PROS1: variants seen among roughly 807,000 people sequenced by gnomAD.
PROS1 encodes vitamin K-dependent protein S.
Under a neutral mutation model 75.9 loss-of-function variants are expected in PROS1, and 29 were observed. The ratio of observed to expected loss-of-function variants is 0.38; its 90% CI spans 0.28 to 0.52. PROS1 has a LOEUF of 0.52. Ranked by LOEUF, PROS1 falls within the 20% of genes least tolerant of loss-of-function variation. PROS1 has a pLI of 0.83. For missense variants in PROS1, 680 were observed against 810.3 expected, an observed-to-expected ratio of 0.84 and a Z score of 1.95; for synonymous variants, 245 against 280.6, an observed-to-expected ratio of 0.87 and a Z score of 1.27.
intron 1 of PROS1, among the ~76,000 whole-genome samples, chr3:93,951,648 A>G (rs1455415835): frequency 6.6e-6 from 1 of 152,236 alleles, no homozygotes; most frequent in Non-Finnish European, 1.5e-5. Flanking sequence ...AACATGCCAA[A>G]TCGTAAACAC....
chr3:93,945,733 C>A (rs1709382034), intron 1 of PROS1, among the ~76,000 whole-genome samples: 2 of 152,134 alleles, frequency 1.3e-5, no homozygotes, highest in Admixed American at 1.3e-4. Flanking sequence ...GAAGCACTCC[C>A]TTTGAAAACT....
intron 1 of PROS1, among the ~76,000 whole-genome samples, chr3:93,949,212 C>T (rs567586279): frequency 6.6e-6 from 1 of 152,310 alleles, no homozygotes; most frequent in South Asian, 2.1e-4. Context: ...TAGGCAGTGC[C>T]ACACCACAAT....
intron 4 of PROS1, among the ~76,000 whole-genome samples, chr3:93,908,034 G>A (rs1708702593): frequency 6.6e-6 from 1 of 152,072 alleles, no homozygotes; most frequent in South Asian, 2.1e-4. Flanking sequence ...TGTAGTCCCA[G>A]CTACTCAGGA....
intron 1 of PROS1, among the ~76,000 whole-genome samples, chr3:93,955,121 G>C (rs184217130): frequency 2.6e-5 from 4 of 152,340 alleles, no homozygotes; most frequent in Admixed American, 2.6e-4. Context: ...CTTTTACACC[G>C]TTGGTGGGAC....
chr3:93,887,869 G>A (rs1163597058), intron 10 of PROS1, among the ~76,000 whole-genome samples: 2 of 152,224 alleles, frequency 1.3e-5, no homozygotes, highest in East Asian at 1.9e-4. Context: ...ATTTGGAGGT[G>A]AGGAACACTT....
chr3:93,944,061 T>C (rs943950218), intron 1 of PROS1, among the ~76,000 whole-genome samples: 10 of 152,196 alleles, frequency 6.6e-5, no homozygotes, highest in African/African-American at 2.2e-4. Flanking sequence ...TTCACACAGA[T>C]GAGTGTGACA....
intron 2 of PROS1, among the ~76,000 whole-genome samples, chr3:93,926,252 T>A (rs1005348134): frequency 6.6e-6 from 1 of 152,232 alleles, no homozygotes; most frequent in Non-Finnish European, 1.5e-5. Context: ...ATTACACTGA[T>A]CTCTCTACTT....
In PROS1 at chr3:93,898,353, G is replaced by A. The variant is rs568543791; in HGVS notation, c.849+95C>T. The A allele has an allele frequency of 6.9e-5, 96 of 1,389,310 alleles. 1 individual carries two copies. The highest frequency in any genetic ancestry group is 3.8e-4 in the African/African-American group (27 of 70,194). The allele number at this position is 1,389,310 out of a possible 1,614,324, so 86.1% of individuals were successfully genotyped here. On this transcript the variant is annotated intron_variant, in intron 8 of 14. Transcript: ENST00000394236. ...AAAGCTACAGCAATTATTGCAGAAC[G>A]TCTGTATTTTCCTGACTTAGCTATG...
intron 1 of PROS1, among the ~76,000 whole-genome samples, chr3:93,944,643 C>T (rs977121833): frequency 9.9e-5 from 15 of 152,150 alleles, no homozygotes; most frequent in South Asian, 2.1e-4. Context: ...ATCTCTGGGA[C>T]ACATTTAAAG....
chr3:93,973,713 C>A lies in PROS1; in HGVS notation c.37G>T (p.Ala13Ser). Reference sequence around the variant, plus strand: ...ACGGGAAGCACTAGGAGGAGACACGCCAGCAGCGCCCCGCAGCGCCCACCC... The same window carrying A: ...ACGGGAAGCACTAGGAGGAGACACGACAGCAGCGCCCCGCAGCGCCCACCC... ...VLGGRCGALL[A>S]CLLLVLPVSE... is the part of the protein sequence containing the mutation. Residue 13 changes from alanine to serine, a missense_variant, in exon 1 of 15, where the codon GCG becomes TCG. Coordinates refer to ENST00000394236, the MANE Select transcript of PROS1 (RefSeq NM_000313.4). 6.2e-7 allele frequency: 1 copy of A among 1,614,004 alleles called. No homozygotes were observed. The highest frequency in any genetic ancestry group is 8.5e-7 in the Non-Finnish European group (1 of 1,179,950).
intron 3 of PROS1, among the ~76,000 whole-genome samples, chr3:93,922,852 T>TA (rs765889133): frequency 6.6e-5 from 10 of 152,160 alleles, no homozygotes; most frequent in Non-Finnish European, 1.5e-4. Flanking sequence ...AAATTTAAAT[T>TA]AAAAAAAATC....
At chr3:93,910,521 C>A in intron 4 of PROS1, 98 bp downstream of exon 4, 1 of 972,296 alleles carries the variant, frequency 1.0e-6, no homozygotes, top group South Asian at 1.4e-5. Context: ...ATCAAAGGAT[C>A]ATTTCTCAAT....
At chr3:93,955,514 G>A (rs2107251198) in intron 1 of PROS1, among the ~76,000 whole-genome samples, 1 of 151,978 alleles carries the variant, frequency 6.6e-6, no homozygotes, top group East Asian at 1.9e-4. Flanking sequence ...CTCATAGGTG[G>A]GAATTGAACA....
At chr3:93,946,857 A>T (rs1383565848) in intron 1 of PROS1, among the ~76,000 whole-genome samples, 2 of 151,684 alleles carry the variant, frequency 1.3e-5, no homozygotes, top group Non-Finnish European at 2.9e-5. Flanking sequence ...AAAAAAAAAA[A>T]ACTATCATCA....
At chr3:93,935,080 G>GA (rs1213492267) in intron 1 of PROS1, among the ~76,000 whole-genome samples, 2 of 152,092 alleles carry the variant, frequency 1.3e-5, no homozygotes, top group South Asian at 2.1e-4. Flanking sequence ...TTATTACCCA[G>GA]AAAAAAAGTT....
chr3:93,903,056 G>A (rs559401869), intron 6 of PROS1, among the ~76,000 whole-genome samples: 1 of 151,948 alleles, frequency 6.6e-6, no homozygotes, highest in Non-Finnish European at 1.5e-5. Context: ...TAGTAGAGAC[G>A]GGGTTTCAGC....
rs1394772124 is a variant in PROS1, at chr3:93,927,873, A to ATATATG, written c.77-467_77-466insCATATA. On this transcript the variant is annotated intron_variant, in intron 1 of 14. Transcript: ENST00000394236. ...AACATATATATATATATATATATATATGTGTGTATGTGTATATATATATAT... is the reference window on the plus strand; with the variant it reads ...AACATATATATATATATATATATATATATATGTGTGTGTATGTGTATATATATATAT... 3.6e-4 allele frequency among the ~76,000 whole-genome samples: 45 copies of ATATATG among 124,150 alleles called. No homozygotes were observed. The East Asian group carries it at 4.2e-3, about 12-fold the overall frequency. The allele number at this position is 124,150 out of a possible 152,430, so 81.4% of individuals were successfully genotyped here.
chr3:93,931,063 C>T lies in PROS1; in HGVS notation c.77-3656G>A, dbSNP rs530410672. 3.9e-5 allele frequency among the ~76,000 whole-genome samples: 6 copies of T among 152,306 alleles called. No homozygotes were observed. In the South Asian group the frequency reaches 8.3e-4, roughly 21 times the overall value. On this transcript the variant is annotated intron_variant, in intron 1 of 14. Transcript: ENST00000394236. ...TCTAGTTCAGCCCAACAATGCTTTA[C>T]ATTGGTATGATACATAACAATGTTC... is the stretch of plus-strand genomic sequence containing the variant.
chr3:93,917,455 C>T (rs1708873992), intron 3 of PROS1, among the ~76,000 whole-genome samples: 2 of 152,316 alleles, frequency 1.3e-5, no homozygotes, highest in South Asian at 4.1e-4. Context: ...AGCGTGCTGG[C>T]AGCCCTTGCA....
Sources: allele counts gnomAD v4.1 joint callset (sites outside exome capture counted in the v4.1 genomes callset), GRCh38; gene constraint gnomAD v4.1.1; transcripts MANE v1.5; gene names NCBI Gene and HGNC (gene_info 2026-07-23, HGNC 2026-07-21).